Variants in HDAC6 observed in about 807,000 individuals in gnomAD.
HDAC6 encodes the protein histone deacetylase 6.
A neutral mutation model predicts 88.9 loss-of-function variants in HDAC6; 5 were observed. That is an observed-to-expected ratio of 0.06 (90% confidence interval 0.03 to 0.12). The LOEUF is 0.12. HDAC6 is among the 10% of genes least tolerant of loss of function. HDAC6 has a pLI of 1.00. For missense variants in HDAC6, 706 were observed against 1,014.4 expected, an observed-to-expected ratio of 0.70 and a Z score of 4.13; for synonymous variants, 378 against 398.0, an observed-to-expected ratio of 0.95 and a Z score of 0.60.
chrX:48,815,333 C>T (rs782299618), intron 14 of HDAC6, 51 bp from the exon 15 acceptor site: 1 of 849,473 alleles, frequency 1.2e-6, no homozygotes, highest in South Asian at 2.2e-5. Context: ...TTATTATTCC[C>T]TGGTCATGTC....
intron 10 of HDAC6, chrX:48,813,408 C>T (rs1257082120): frequency 8.9e-6 from 1 of 112,270 alleles, no homozygotes; most frequent in African/African-American, 3.2e-5. Flanking sequence ...TTCTATATCA[C>T]TTGCATTAAA....
Position 48,823,544 on chromosome X carries a change from CTGAT to C in HDAC6, c.3148_3151del (p.Ile1050GlyfsTer8). On this transcript the variant is annotated frameshift_variant, in exon 25 of 29. Transcript: ENST00000334136. LOFTEE classifies it high-confidence loss of function. ...TACACCCCAGATATCTCCCAGTACACTGATTGGGAGTCTCAGGACCTTGGAGCTA... is the reference window on the plus strand; with the variant it reads ...TACACCCCAGATATCTCCCAGTACACTGGGAGTCTCAGGACCTTGGAGCTA... 1 of 1,209,895 alleles carries C rather than the reference CTGAT, an allele frequency of 8.3e-7. No individual in the cohort carries two copies. Among genetic ancestry groups the C allele is most frequent in the Non-Finnish European group, 1.1e-6 (1 of 894,366 alleles).
chrX:48,818,302 C>T lies in HDAC6; in HGVS notation c.2077C>T (p.Arg693Trp), dbSNP rs374088297. 6 of 1,202,958 alleles carry T rather than the reference C, an allele frequency of 5.0e-6. No homozygotes were observed. The highest frequency in any genetic ancestry group is 3.6e-5 in the South Asian group (2 of 55,268). ...GDEGASSQIG[R>W]AAGTGFTVNV... ...TGAGGGTGCCAGCAGCCAGATCGGCCGGGCTGCGGGCACAGGCTTCACCGT... is the reference window on the plus strand; with the variant it reads ...TGAGGGTGCCAGCAGCCAGATCGGCTGGGCTGCGGGCACAGGCTTCACCGT... Residue 693 changes from arginine to tryptophan, a missense_variant, in exon 22 of 29, where the codon CGG becomes TGG. Physicochemically the swap from Arg to Trp is moderately radical, Grantham distance 101. Transcript: ENST00000334136.
chrX:48,818,714 T>C (rs1391602725), intron 22 of HDAC6, among the ~76,000 whole-genome samples: 1 of 112,357 alleles, frequency 8.9e-6, no homozygotes, highest in Non-Finnish European at 1.9e-5. Context: ...ATCTGTGTTG[T>C]ATGTGCGTGC....
In HDAC6 at chrX:48,814,987, G is replaced by T. The variant is rs782119212; in HGVS notation, c.1085G>T (p.Gly362Val). 8.3e-7 allele frequency: 1 copy of T among 1,209,153 alleles called. No homozygotes were observed. The highest frequency in any genetic ancestry group is 1.1e-6 in the Non-Finnish European group (1 of 894,374). Residue 362 changes from glycine to valine, a missense_variant, in exon 14 of 29, where the codon GGG becomes GTG. Physicochemically the swap from Gly to Val is moderately radical, Grantham distance 109. Coordinates refer to ENST00000334136, the MANE Select transcript of HDAC6 (RefSeq NM_006044.4). ...GGTGAGATGGCCGCCACTCCGGCAG[G>T]GTTCGCCCAGCTAACCCACCTGCTC... ...PKGEMAATPAGFAQLTHLLMG... is the reference protein window; with the variant it reads ...PKGEMAATPAVFAQLTHLLMG...
intron 10 of HDAC6, among the ~76,000 whole-genome samples, chrX:48,808,619 T>C (rs1226298194): frequency 1.8e-5 from 2 of 112,432 alleles, no homozygotes; most frequent in Non-Finnish European, 3.8e-5. Context: ...GAAGATCTTA[T>C]TCACTGATTA....
At chrX:48,817,229 G>T in intron 19 of HDAC6, 97 bp from the exon 20 acceptor site, 2 of 968,544 alleles carry the variant, frequency 2.1e-6, no homozygotes, top group Non-Finnish European at 2.7e-6. Context: ...TCCAGCCTGG[G>T]CGACAGAGCG....
chrX:48,820,825 T>TG (rs782316278), intron 23 of HDAC6, among the ~76,000 whole-genome samples: 5 of 110,824 alleles, frequency 4.5e-5, no homozygotes, highest in Non-Finnish European at 9.4e-5. Context: ...GATCTGGTTT[T>TG]TTGTTGTTGT....
At chrX:48,803,246 A>G in intron 4 of HDAC6, 30 bp downstream of exon 4, 2 of 1,076,085 alleles carry the variant, frequency 1.9e-6, no homozygotes, top group Non-Finnish European at 2.6e-6. Context: ...GCTGTCTCCA[A>G]ACCACAAAAA....
In HDAC6 at chrX:48,817,418, G is replaced by A. The variant is rs1252823107; in HGVS notation, c.1884G>A (p.Val628=). The change falls in exon 20 of 29, where the codon GTG becomes GTA. Residue 628 remains valine (V), a synonymous_variant. Transcript: ENST00000334136. ...TTTGCTTTTTCAACTCTGTGGCTGT[G>A]GCTGCTCGCCATGCCCAGACTATCA... The part of the protein sequence containing the change: ...CGFCFFNSVA[V]AARHAQTISG... 8.3e-7 allele frequency: 1 copy of A among 1,208,340 alleles called. No homozygotes were observed. The highest frequency in any genetic ancestry group is 1.1e-6 in the Non-Finnish European group (1 of 894,658).
intron 20 of HDAC6, 154 bp from the exon 21 acceptor site, chrX:48,817,887 C>T (rs2063014857): frequency 5.8e-6 from 3 of 517,871 alleles, no homozygotes; most frequent in South Asian, 5.9e-5. Flanking sequence ...ACCGGGCAGC[C>T]CTTGGGAACC....
chrX:48,816,432 C>T, intron 18 of HDAC6, 33 bp from the exon 19 acceptor site: 1 of 1,171,868 alleles, frequency 8.5e-7, no homozygotes, highest in South Asian at 2.0e-5. Flanking sequence ...ACCCTCCTCA[C>T]TGTCCTGCGG....
At chrX:48,809,630 G>A (rs1238492748) in intron 10 of HDAC6, among the ~76,000 whole-genome samples, 1 of 109,696 alleles carries the variant, frequency 9.1e-6, no homozygotes, top group Non-Finnish European at 1.9e-5. Flanking sequence ...GTGAAACCCC[G>A]TCTCTACAAA....
In HDAC6 at chrX:48,823,587, A is replaced by G. The variant is rs1557031157; in HGVS notation, c.3188A>G (p.Gln1063Arg). The G allele has an allele frequency of 8.4e-7, 1 of 1,191,037 alleles. No homozygotes were observed. The highest frequency in any genetic ancestry group is 2.2e-5 in the Admixed American group (1 of 45,682). Reference protein sequence around the residue: ...LRTLELGSESQGASESQAPGE... With the variant: ...LRTLELGSESRGASESQAPGE... Reference sequence around the variant, plus strand: ...ACCTTGGAGCTAGGCAGCGAATCTCAGGTAAGGCTCACCACACCCAGGTAG... The same window carrying G: ...ACCTTGGAGCTAGGCAGCGAATCTCGGGTAAGGCTCACCACACCCAGGTAG... Residue 1063 changes from glutamine (Q) to arginine (R), a missense_variant and splice_region_variant, in exon 25 of 29, where the codon CAG (glutamine) becomes CGG (arginine). Gln to Arg is a conservative substitution (Grantham distance 43, BLOSUM62 1). This residue lies in a region of HDAC6 where 112 missense variants were observed against 95.1 expected (regional missense o/e 1.18). Coordinates refer to ENST00000334136, the MANE Select transcript of HDAC6 (RefSeq NM_006044.4).
chrX:48,805,322 A>G (rs1233679739), intron 4 of HDAC6, 116 bp from the exon 5 acceptor site: 2 of 523,620 alleles, frequency 3.8e-6, no homozygotes, highest in Admixed American at 6.0e-5. Flanking sequence ...GGCAGGACTG[A>G]CACCACAGTT....
intron 23 of HDAC6, among the ~76,000 whole-genome samples, chrX:48,820,952 C>T (rs997001469): frequency 4.5e-5 from 5 of 111,144 alleles, no homozygotes; most frequent in East Asian, 2.8e-4. Flanking sequence ...ATCCTCCCAC[C>T]TCAGCCTCCT....
chrX:48,802,648 TC>T lies in HDAC6; in HGVS notation c.-30-9del. 8.5e-7 allele frequency: 1 copy of T among 1,174,611 alleles called. No homozygotes were observed. The highest frequency in any genetic ancestry group is 1.1e-6 in the Non-Finnish European group (1 of 876,724). On this transcript the variant is annotated splice_polypyrimidine_tract_variant and intron_variant, in intron 1 of 28. Transcript: ENST00000334136. Reference sequence around the variant, plus strand: ...TAGCCCCCTCACATACCCACGCTCCTCCCCCCACCCCCAGAACCGCGGCAGG... The same window carrying T: ...TAGCCCCCTCACATACCCACGCTCCTCCCCCACCCCCAGAACCGCGGCAGG...
chrX:48,815,797 C>T, intron 16 of HDAC6, 87 bp from the exon 17 acceptor site: 1 of 1,088,111 alleles, frequency 9.2e-7, no homozygotes, highest in Non-Finnish European at 1.3e-6. Flanking sequence ...GCCTCCCACC[C>T]CTTTTTCTGT....
chrX:48,805,355 G>C, intron 4 of HDAC6, 83 bp from the exon 5 acceptor site: 1 of 705,022 alleles, frequency 1.4e-6, no homozygotes, highest in East Asian at 3.5e-5. Context: ...GCTGTGGAAG[G>C]GTGGATGGGG....
Sources: allele counts gnomAD v4.1 joint callset (sites outside exome capture counted in the v4.1 genomes callset), GRCh38; gene constraint gnomAD v4.1.1; regional missense constraint gnomAD v4.1.1; transcripts MANE v1.5; gene names NCBI Gene and HGNC (gene_info 2026-07-23, HGNC 2026-07-21).